Variants in DHH observed in about 807,000 individuals in gnomAD.
DHH encodes the protein desert hedgehog signaling molecule, also known as desert hedgehog protein.
DHH carries 16 observed loss-of-function variants against 27.6 expected under a neutral mutation model. The observed-to-expected ratio is 0.58, with a 90% CI of 0.39 to 0.88. The LOEUF (loss-of-function observed/expected upper bound fraction) is 0.88, where lower values mean the gene tolerates loss of function less well. DHH is among the 40% of genes least tolerant of loss of function. The pLI is 0.00. For synonymous variants in DHH, 289 were observed against 263.4 expected (o/e 1.10, Z -0.94); for missense variants, 436 against 563.1 (o/e 0.77, Z 2.28).
Position 49,091,406 on chromosome 12 carries a change from G to A in DHH, c.304-17C>T, listed in dbSNP as rs773002566. On this transcript the variant is annotated splice_polypyrimidine_tract_variant and intron_variant, in intron 1 of 2. Coordinates refer to ENST00000649637, the MANE Select transcript of DHH (RefSeq NM_021044.4). This position sits in a 1 kb window ranked among gnomAD's most constrained non-coding sequence, Gnocchi z 4.8. ...CTTACAACGCTGGCGGGGAATAAAG[G>A]AGTCAGTCTCCCCACCACCACCCTT... 5.7e-5 allele frequency: 92 copies of A among 1,613,398 alleles called. No homozygotes were observed. Among genetic ancestry groups the A allele is most frequent in the Non-Finnish European group, 1.4e-5 (16 of 1,179,948 alleles).
chr12:49,089,824 C>T lies in DHH; in HGVS notation c.*35G>A. 6.7e-7 allele frequency: 1 copy of T among 1,501,974 alleles called. No individual in the cohort carries two copies. Among genetic ancestry groups the T allele is most frequent in the Non-Finnish European group, 8.9e-7 (1 of 1,120,168 alleles). 93.0% of individuals were successfully genotyped at this position (1,501,974 alleles called of 1,614,324 possible). A position where few individuals can be genotyped will look rare whatever the true frequency, so the allele number is the denominator to read the frequency against. On this transcript the variant is annotated 3_prime_UTR_variant, in exon 3 of 3. Coordinates refer to ENST00000649637, the MANE Select transcript of DHH (RefSeq NM_021044.4). ...TATCTCAGCCAGCAGGCCCTCGTTTCCTCGGGCGCTTCGAGGTTTCTATGC... is the reference window on the plus strand; with the variant it reads ...TATCTCAGCCAGCAGGCCCTCGTTTTCTCGGGCGCTTCGAGGTTTCTATGC...
chr12:49,090,154 G>A lies in DHH; in HGVS notation c.896C>T (p.Ser299Leu), dbSNP rs1285477482. The stretch of plus-strand genomic sequence containing the variant: ...CGCATCCCCGCCGGGCGCCAGCACC[G>A]AGTCCCCAGCGCGTAGCCGGCGCGC... ...VFARRLRAGD[S>L]VLAPGGDALR... is the part of the protein sequence containing the mutation. The change falls in exon 3 of 3, where the codon TCG becomes TTG. Residue 299 changes from serine to leucine, a missense_variant. Physicochemically the swap from Ser to Leu is moderately radical, Grantham distance 145. Transcript: ENST00000649637. This position sits in a 1 kb window ranked among gnomAD's most constrained non-coding sequence, Gnocchi z 5.2. 1.9e-6 allele frequency: 3 copies of A among 1,538,776 alleles called. No individual in the cohort carries two copies. The African/African-American group carries it at 4.2e-5, about 21-fold the overall frequency.
At position 49,091,210 on chromosome 12, in the gene DHH, C is replaced by A; in HGVS notation, c.483G>T (p.Leu161Phe). Residue 161 changes from leucine to phenylalanine, a missense_variant, in exon 2 of 3, where the codon TTG becomes TTT. By Grantham distance (22) the Leu-to-Phe change is conservative. Coordinates refer to ENST00000649637, the MANE Select transcript of DHH (RefSeq NM_021044.4). This position sits in a 1 kb window ranked among gnomAD's most constrained non-coding sequence, Gnocchi z 4.8. ...CGGCTTCCACTGCGAGGCGCGCCAG[C>A]AACCCATACTTGTTGCGGTCGCGGT... Reference protein sequence around the residue: ...TSDRDRNKYGLLARLAVEAGF... With the variant: ...TSDRDRNKYGFLARLAVEAGF... The A allele has an allele frequency of 6.2e-7, 1 of 1,614,252 alleles. No individual in the cohort carries two copies. Among genetic ancestry groups the A allele is most frequent in the Non-Finnish European group, 8.5e-7 (1 of 1,180,044 alleles).
At position 49,094,678 on chromosome 12, in the gene DHH, G is replaced by A; in HGVS notation, c.-166C>T. 1 of 843,078 alleles carries A rather than the reference G, an allele frequency of 1.2e-6. No individual in the cohort carries two copies. The highest frequency in any genetic ancestry group is 1.9e-6 in the Non-Finnish European group (1 of 522,042). The allele number at this position is 843,078 out of a possible 1,614,324, so 52.2% of individuals were successfully genotyped here. A position where few individuals can be genotyped will look rare whatever the true frequency, so the allele number is the denominator to read the frequency against. On this transcript the variant is annotated 5_prime_UTR_variant, in exon 1 of 3. It adds an upstream start codon to the 5' untranslated region. Transcript: ENST00000649637. ...CCTGGCTGCTGCTAGCTCTGCCCAC[G>A]TGCCCCGGGAGCGGGCGGGGGGTGT...
rs1758338450 is a variant in DHH at position 49,089,311 on chromosome 12, G to T, written c.*548C>A. The T allele has an allele frequency of 4.6e-5, 7 of 152,754 alleles. No individual in the cohort carries two copies. 9.5% of individuals were successfully genotyped at this position (152,754 alleles called of 1,614,324 possible). A position where few individuals can be genotyped will look rare whatever the true frequency, so the allele number is the denominator to read the frequency against. ...TGCCCCTTCTGAAGGGAGGAAAAGG[G>T]TCCCAAAGACCCTGCTGAGGAAGGA... is the stretch of plus-strand genomic sequence containing the variant. On this transcript the variant is annotated 3_prime_UTR_variant, in exon 3 of 3. Transcript: ENST00000649637.
chr12:49,091,498 A>G lies in DHH; in HGVS notation c.304-109T>C. ...TTCCGGCCCTACTCTTACCCCTCCC[A>G]GCTTTTGAGTGTCCTGGAGAAATGA... On this transcript the variant is annotated intron_variant, in intron 1 of 2. Transcript: ENST00000649637. This position sits in a 1 kb window ranked among gnomAD's most constrained non-coding sequence, Gnocchi z 4.8. 1 of 1,460,688 alleles carries G rather than the reference A, an allele frequency of 6.8e-7. No individual in the cohort carries two copies. The highest frequency in any genetic ancestry group is 1.4e-5 in the African/African-American group (1 of 71,674). The allele number at this position is 1,460,688 out of a possible 1,614,324, so 90.5% of individuals were successfully genotyped here.
chr12:49,087,288 G>T lies in DHH; in HGVS notation c.*2571C>A, dbSNP rs571564749. ...GAGAGGTAAGCCTCAAGCCTAGAAAGTTACTTACAGGATGTAGTTTAAGGG... is the reference window on the plus strand; with the variant it reads ...GAGAGGTAAGCCTCAAGCCTAGAAATTTACTTACAGGATGTAGTTTAAGGG... On this transcript the variant is annotated 3_prime_UTR_variant, in exon 3 of 3. Coordinates refer to ENST00000649637, the MANE Select transcript of DHH (RefSeq NM_021044.4). Among the ~76,000 whole-genome samples, 13 of 152,114 alleles carry T rather than the reference G, an allele frequency of 8.5e-5. No homozygotes were observed. Among genetic ancestry groups the T allele is most frequent in the East Asian group, 3.9e-4 (2 of 5,186 alleles).
chr12:49,092,917 G>T (rs966276015), intron 1 of DHH: 3 of 152,222 alleles, frequency 2.0e-5, no homozygotes, highest in Admixed American at 1.3e-4. Context: ...TAGGAGGAAG[G>T]CTTCAGGGCA....
rs1220665094 is a variant in DHH at position 49,088,130 on chromosome 12, G to T, written c.*1729C>A. 6.6e-6 allele frequency among the ~76,000 whole-genome samples: 1 copy of T among 152,118 alleles called. No individual in the cohort carries two copies. The highest frequency in any genetic ancestry group is 2.4e-5 in the African/African-American group (1 of 41,420). ...AACTTTGATACATAAGGAAGTCTGGGCTACTACAGGTATACTAGTAGGGCA... is the reference window on the plus strand; with the variant it reads ...AACTTTGATACATAAGGAAGTCTGGTCTACTACAGGTATACTAGTAGGGCA... On this transcript the variant is annotated 3_prime_UTR_variant, in exon 3 of 3. Coordinates refer to ENST00000649637, the MANE Select transcript of DHH (RefSeq NM_021044.4).
rs77185771 is a variant in DHH, at chr12:49,087,339, A to C, written c.*2520T>G. On this transcript the variant is annotated 3_prime_UTR_variant, in exon 3 of 3. Coordinates refer to ENST00000649637, the MANE Select transcript of DHH (RefSeq NM_021044.4). The stretch of plus-strand genomic sequence containing the variant: ...AAACCAATGAGTTCTCCTTGTCCTG[A>C]AATATCTCCCTAGCTAACTTATTAC... Among the ~76,000 whole-genome samples, 1,268 of 152,310 alleles carry C rather than the reference A, an allele frequency of 8.3e-3. 21 individuals carry two copies. Among genetic ancestry groups the C allele is most frequent in the African/African-American group, 0.029 (1,192 of 41,570 alleles).
At position 49,088,626 on chromosome 12, in the gene DHH, G is replaced by T. The variant is rs551536258; in HGVS notation, c.*1233C>A. ...ATTCCTAACTCAGGGGCACCTGCCT[G>T]CCTGGATTCCAGGTGTCTACTGCGT... On this transcript the variant is annotated 3_prime_UTR_variant, in exon 3 of 3. Coordinates refer to ENST00000649637, the MANE Select transcript of DHH (RefSeq NM_021044.4). 1.5e-4 allele frequency among the ~76,000 whole-genome samples: 23 copies of T among 152,260 alleles called. No individual in the cohort carries two copies. The highest frequency in any genetic ancestry group is 5.3e-4 in the African/African-American group (22 of 41,552).
At position 49,094,656 on chromosome 12, in the gene DHH, G is replaced by A. The variant is rs1939372323; in HGVS notation, c.-144C>T. 1.5e-5 allele frequency: 15 copies of A among 998,970 alleles called. No homozygotes were observed. In the South Asian group the frequency reaches 1.7e-4, roughly 11 times the overall value. 61.9% of individuals were successfully genotyped at this position (998,970 alleles called of 1,614,324 possible). On this transcript the variant is annotated 5_prime_UTR_variant, in exon 1 of 3. Coordinates refer to ENST00000649637, the MANE Select transcript of DHH (RefSeq NM_021044.4). ...AGAGCTCTTGTGGCTCCGTGCACCT[G>A]GCTGCTGCTAGCTCTGCCCACGTGC...
In DHH at chr12:49,089,928, G is replaced by C; in HGVS notation, c.1122C>G (p.Ala374=). 1.0e-5 allele frequency: 16 copies of C among 1,586,296 alleles called. No homozygotes were observed. Among genetic ancestry groups the C allele is most frequent in the African/African-American group, 5.4e-5 (4 of 74,512 alleles). The change falls in exon 3 of 3, where the codon GCC becomes GCG. Residue 374 remains alanine, a synonymous_variant. Transcript: ENST00000649637. The part of the protein sequence containing the change: ...HALGALLPGG[A]VQPTGMHWYS... ...ACCAATGCATGCCAGTCGGCTGGACGGCCCCGCCGGGGAGCAGCGCCCCTA... is the reference window on the plus strand; with the variant it reads ...ACCAATGCATGCCAGTCGGCTGGACCGCCCCGCCGGGGAGCAGCGCCCCTA...
Position 49,086,925 on chromosome 12 carries a change from T to C in DHH, c.*2934A>G, listed in dbSNP as rs1047821915. On this transcript the variant is annotated 3_prime_UTR_variant, in exon 3 of 3. Transcript: ENST00000649637. ...AGTGGAGTGGTGAGGAAAGAAGTGA[T>C]CGGAAGGCAGCAAAGTCAGTCAGAA... Among the ~76,000 whole-genome samples, 1 of 152,162 alleles carries C rather than the reference T, an allele frequency of 6.6e-6. No individual in the cohort carries two copies.
In DHH at chr12:49,090,667, C is replaced by CTATG. The variant is rs35343506; in HGVS notation, c.566-187_566-184dup. Among the ~76,000 whole-genome samples, 26,785 of 145,528 alleles carry CTATG rather than the reference C, an allele frequency of 0.18. 2,480 individuals carry two copies. The highest frequency in any genetic ancestry group is 0.21 in the Non-Finnish European group (13,931 of 66,188). On this transcript the variant is annotated intron_variant, in intron 2 of 2. Coordinates refer to ENST00000649637, the MANE Select transcript of DHH (RefSeq NM_021044.4). This position sits in a 1 kb window ranked among gnomAD's most constrained non-coding sequence, Gnocchi z 5.2. ...TTTCTTTTCCTTTTTCTTCTCTTTT[C>CTATG]TATGTATGTATGTATGTATGTATGT... is the stretch of plus-strand genomic sequence containing the variant.
rs1434324650 is a variant in DHH at position 49,090,778 on chromosome 12, T to C, written c.566-294A>G. 2.0e-5 allele frequency among the ~76,000 whole-genome samples: 3 copies of C among 152,280 alleles called. No homozygotes were observed. Among genetic ancestry groups the C allele is most frequent in the Middle Eastern group, 3.4e-3 (1 of 294 alleles). ...GTGCAGTGGCACCATCTCGGCTCAC[T>C]GCAACTTCTACCTCCCGGGTTCAAG... On this transcript the variant is annotated intron_variant, in intron 2 of 2. Coordinates refer to ENST00000649637, the MANE Select transcript of DHH (RefSeq NM_021044.4). This position sits in a 1 kb window ranked among gnomAD's most constrained non-coding sequence, Gnocchi z 5.2.
Position 49,094,369 on chromosome 12 carries a change from A to G in DHH, c.144T>C (p.Phe48=). 1 of 1,612,956 alleles carries G rather than the reference A, an allele frequency of 6.2e-7. No individual in the cohort carries two copies. Among genetic ancestry groups the G allele is most frequent in the Non-Finnish European group, 8.5e-7 (1 of 1,179,882 alleles). The stretch of plus-strand genomic sequence containing the variant: ...GGGTCCGCTCTGGCACGCCGGGCAC[A>G]AATTGCTTGTAGAGTAGCGGCACGA... ...KQLVPLLYKQ[F]VPGVPERTLG... is the part of the protein sequence containing the mutation. The change falls in exon 1 of 3, where the codon TTT becomes TTC. Residue 48 remains phenylalanine (F), a synonymous_variant. Transcript: ENST00000649637.
rs748745609 is a variant in DHH, at chr12:49,091,288, G to C, written c.405C>G (p.His135Gln). 1 of 1,614,212 alleles carries C rather than the reference G, an allele frequency of 6.2e-7. No homozygotes were observed. Among genetic ancestry groups the C allele is most frequent in the South Asian group, 1.1e-5 (1 of 91,082 alleles). ...VTEGWDEDGH[H>Q]AQDSLHYEGR... ...CTTCGTAGTGGAGTGAATCCTGAGC[G>C]TGGTGGCCGTCCTCGTCCCAGCCCT... Residue 135 changes from histidine to glutamine, a missense_variant, in exon 2 of 3, where the codon CAC becomes CAG. By Grantham distance (24) the His-to-Gln change is conservative (BLOSUM62 0). Coordinates refer to ENST00000649637, the MANE Select transcript of DHH (RefSeq NM_021044.4). The surrounding 1 kb of genome is among the most constrained non-coding windows in gnomAD (Gnocchi z 4.8).
Position 49,090,038 on chromosome 12 carries a change from C to A in DHH, c.1012G>T (p.Asp338Tyr). The A allele has an allele frequency of 1.3e-6, 2 of 1,549,772 alleles. No homozygotes were observed. Among genetic ancestry groups the A allele is most frequent in the Non-Finnish European group, 1.7e-6 (2 of 1,148,452 alleles). Reference protein sequence around the residue: ...LTAHGTLLVNDVLASCYAVLE... With the variant: ...LTAHGTLLVNYVLASCYAVLE... ...ACCGCGTAGCAAGAGGCCAGGACAT[C>A]GTTCACCAGCAGCGTCCCGTGCGCG... is the stretch of plus-strand genomic sequence containing the variant. The change falls in exon 3 of 3, where the codon GAT (aspartate) becomes TAT (tyrosine). Residue 338 changes from aspartate to tyrosine, a missense_variant. Coordinates refer to ENST00000649637, the MANE Select transcript of DHH (RefSeq NM_021044.4). This position sits in a 1 kb window ranked among gnomAD's most constrained non-coding sequence, Gnocchi z 5.2.
Sources: gnomAD v4.1 joint callset for allele counts (sites outside exome capture counted in the v4.1 genomes callset) on GRCh38, gnomAD v4.1.1 for gene constraint, Gnocchi (gnomAD v3.1) non-coding constraint, MANE v1.5 for transcripts, NCBI Gene and HGNC (gene_info 2026-07-23, HGNC 2026-07-21) for gene names.